Variants in EVL observed in about 807,000 individuals in gnomAD.
EVL encodes Enah/Vasp-like.
EVL carries 21 observed loss-of-function variants against 59.6 expected under a neutral mutation model. The observed-to-expected ratio is 0.35, with a 90% CI of 0.25 to 0.51. The LOEUF is 0.51. Among genes scored for constraint, EVL ranks in the 20% least tolerant of loss-of-function variants. The pLI is 0.97. For synonymous variants in EVL, 198 were observed against 203.5 expected, an observed-to-expected ratio of 0.97 and a Z score of 0.23; for missense variants, 462 against 546.6, an observed-to-expected ratio of 0.85 and a Z score of 1.54.
intron 4 of EVL, among the ~76,000 whole-genome samples, chr14:100,124,577 G>A (rs147398441): frequency 1.3e-5 from 2 of 152,302 alleles, no homozygotes; most frequent in East Asian, 3.9e-4. Flanking sequence ...GAATGGAAGT[G>A]ACTTGCCCAG....
chr14:100,113,727 A>G (rs1233503375), intron 3 of EVL, among the ~76,000 whole-genome samples: 1 of 152,162 alleles, frequency 6.6e-6, no homozygotes, highest in Non-Finnish European at 1.5e-5. Flanking sequence ...ACTGGATTCC[A>G]GGGAAGGAAA....
intron 1 of EVL, chr14:99,978,217 T>A (rs1449213401): frequency 6.7e-6 from 1 of 150,090 alleles, no homozygotes; most frequent in Admixed American, 6.6e-5. Flanking sequence ...GCTAACACGG[T>A]GAAACCCCGT....
chr14:99,971,435 C>T (rs1363401314), upstream of EVL: 2 of 151,872 alleles, frequency 1.3e-5, no homozygotes, highest in African/African-American at 2.4e-5. Flanking sequence ...CTCAGCGCTC[C>T]CGGAGGCGCG....
At chr14:100,132,178 G>A (rs1888477738) in intron 7 of EVL, among the ~76,000 whole-genome samples, 1 of 151,182 alleles carries the variant, frequency 6.6e-6, no homozygotes, top group South Asian at 2.1e-4. Context: ...CCGACTCAAG[G>A]GCGTCACGTG....
chr14:100,125,010 A>G lies in EVL; in HGVS notation c.422+1408A>G, dbSNP rs1453264125. On this transcript the variant is annotated intron_variant, in intron 4 of 13. Transcript: ENST00000392920. ...GACGAGACCACACACATGCGCACACACACACACCTGCCCCAAGATGAGACC... is the reference window on the plus strand; with the variant it reads ...GACGAGACCACACACATGCGCACACGCACACACCTGCCCCAAGATGAGACC... Among the ~76,000 whole-genome samples, 7 of 152,022 alleles carry G rather than the reference A, an allele frequency of 4.6e-5. No individual in the cohort carries two copies. The East Asian group carries it at 1.4e-3, about 29-fold the overall frequency.
chr14:100,142,962 G>A (rs2140413207), intron 13 of EVL, among the ~76,000 whole-genome samples: 1 of 152,324 alleles, frequency 6.6e-6, no homozygotes, highest in East Asian at 1.9e-4. Context: ...CATACCAGGG[G>A]CTCTGAGAAG....
intron 3 of EVL, among the ~76,000 whole-genome samples, chr14:100,115,856 TCTC>T (rs946369581): frequency 1.3e-5 from 2 of 152,228 alleles, no homozygotes; most frequent in African/African-American, 4.8e-5. Context: ...CAGGTATTTG[TCTC>T]CTCCTGAGCT....
At chr14:100,077,865 C>T (rs1319887125) in intron 1 of EVL, among the ~76,000 whole-genome samples, 6 of 152,116 alleles carry the variant, frequency 3.9e-5, no homozygotes, top group Non-Finnish European at 7.4e-5. Flanking sequence ...CTCTGCCTCC[C>T]GGGTTCACGC....
chr14:100,135,423 T>C (rs1269785467), intron 8 of EVL: 1 of 153,892 alleles, frequency 6.5e-6, no homozygotes, highest in Non-Finnish European at 1.4e-5. Flanking sequence ...TGAAAAACCA[T>C]CCTGACGCAC....
Position 100,137,730 on chromosome 14 carries a change from A to G in EVL, c.1032-10A>G, listed in dbSNP as rs1321753864. 6.2e-7 allele frequency: 1 copy of G among 1,614,002 alleles called. No individual in the cohort carries two copies. ...CCGATTCACATGTCTGTTTCATTCC[A>G]TTGCCGTAGAACCCCGTCTGTGGCA... On this transcript the variant is annotated splice_polypyrimidine_tract_variant and intron_variant, in intron 10 of 13. Coordinates refer to ENST00000392920, the MANE Select transcript of EVL (RefSeq NM_016337.3).
intron 2 of EVL, among the ~76,000 whole-genome samples, chr14:100,095,027 C>T (rs961810785): frequency 6.6e-6 from 1 of 152,080 alleles, no homozygotes; most frequent in South Asian, 2.1e-4. Context: ...GGTGACAGAG[C>T]GAGACTCCGT....
chr14:100,011,720 T>G (rs8012782), intron 1 of EVL, among the ~76,000 whole-genome samples: 13,192 of 152,280 alleles, frequency 0.087, 629 homozygotes, highest in African/African-American at 0.12. Context: ...TTTATCTATA[T>G]TCTCTTGGTC....
At chr14:100,047,692 A>G (rs1199239209) in intron 1 of EVL, among the ~76,000 whole-genome samples, 2 of 152,180 alleles carry the variant, frequency 1.3e-5, no homozygotes, top group African/African-American at 2.4e-5. Context: ...TCTGCAACCT[A>G]TATCACGGAA....
At chr14:100,126,813 C>G in intron 5 of EVL, 42 bp downstream of exon 5, 1 of 1,596,140 alleles carries the variant, frequency 6.3e-7, no homozygotes, top group Non-Finnish European at 8.6e-7. Context: ...CATGCTGCTG[C>G]CAGGTGGCAG....
chr14:100,129,733 T>C lies in EVL; in HGVS notation c.839+49T>C, dbSNP rs751468704. The C allele has an allele frequency of 4.7e-6, 7 of 1,495,214 alleles. No individual in the cohort carries two copies. The South Asian group carries it at 6.6e-5, about 14-fold the overall frequency. The allele number at this position is 1,495,214 out of a possible 1,614,324, so 92.6% of individuals were successfully genotyped here. On this transcript the variant is annotated intron_variant, in intron 7 of 13. Transcript: ENST00000392920. The stretch of plus-strand genomic sequence containing the variant: ...CTTGGTGTGCCTAGCAGGAAGCTCC[T>C]GCCCCCGCCCCCAGCGCTGCACAGA...
At chr14:100,098,317 G>A (rs1885959082) in intron 3 of EVL, among the ~76,000 whole-genome samples, 1 of 152,236 alleles carries the variant, frequency 6.6e-6, no homozygotes, top group South Asian at 2.1e-4. Context: ...CACAGGCAGA[G>A]GCAGGAGTGG....
intron 1 of EVL, among the ~76,000 whole-genome samples, chr14:99,997,640 T>C (rs917875276): frequency 6.6e-6 from 1 of 152,240 alleles, no homozygotes; most frequent in East Asian, 1.9e-4. Context: ...ATCAGGGTTC[T>C]GTACATCCAA....
intron 1 of EVL, chr14:100,019,635 C>A: frequency 6.5e-7 from 1 of 1,530,076 alleles, no homozygotes. Context: ...GACTACCACA[C>A]AATCTAAGGA....
intron 3 of EVL, among the ~76,000 whole-genome samples, chr14:100,119,702 A>C (rs1225228389): frequency 1.3e-5 from 2 of 152,188 alleles, no homozygotes; most frequent in Admixed American, 1.3e-4. Context: ...TTACTCCTAG[A>C]GTTTGTTTAT....
Sources: allele counts gnomAD v4.1 joint callset (sites outside exome capture counted in the v4.1 genomes callset), GRCh38; gene constraint gnomAD v4.1.1; transcripts MANE v1.5; gene names NCBI Gene and HGNC (gene_info 2026-07-23, HGNC 2026-07-21).